The following SANBR variants were observed in gnomAD, a reference collection of about 807,000 sequenced individuals.
The protein encoded by SANBR is SANT and BTB domain regulator of class switch recombination.
Under a neutral mutation model 101.8 loss-of-function variants are expected in SANBR, and 77 were observed. The observed-to-expected ratio is 0.76, with a 90% CI of 0.63 to 0.91. SANBR has a LOEUF of 0.91. Among genes scored for constraint, SANBR ranks in the 40% least tolerant of loss-of-function variants. The pLI, the probability that SANBR is intolerant of heterozygous loss-of-function variation, is 0.00. For missense variants in SANBR, 875 were observed against 853.0 expected (o/e 1.03, Z -0.32); for synonymous variants, 279 against 274.7 (o/e 1.02, Z -0.15).
intron 21 of SANBR, among the ~76,000 whole-genome samples, chr2:61,136,786 A>C (rs1684864199): frequency 6.6e-6 from 1 of 151,924 alleles, no homozygotes; most frequent in Admixed American, 6.6e-5. Context: ...CCTGGCCAAG[A>C]TGGTGAAACC....
At position 61,122,318 on chromosome 2, in the gene SANBR, T is replaced by A; in HGVS notation, c.*156T>A. ...CATAATTCTAAAAGAAATGCATAGT[T>A]AGGTTTTATGAAAATCTAATTGTAA... is the stretch of plus-strand genomic sequence containing the variant. On this transcript the variant is annotated 3_prime_UTR_variant, in exon 22 of 22. Transcript: ENST00000402291. 8.1e-7 allele frequency: 1 copy of A among 1,234,952 alleles called. No homozygotes were observed. The highest frequency in any genetic ancestry group is 2.7e-5 in the East Asian group (1 of 36,492). The allele number at this position is 1,234,952 out of a possible 1,614,324, so 76.5% of individuals were successfully genotyped here. A position where few individuals can be genotyped will look rare whatever the true frequency, so the allele number is the denominator to read the frequency against.
At chr2:61,076,779 A>C in intron 5 of SANBR, 141 bp from the exon 6 acceptor site, 5 of 634,266 alleles carry the variant, frequency 7.9e-6, no homozygotes, top group Middle Eastern at 4.3e-4. Flanking sequence ...GACACTTGAA[A>C]AATGTCAAGA....
Position 61,117,451 on chromosome 2 carries a change from T to C in SANBR, c.1866-16T>C, listed in dbSNP as rs1165096318. ...AAGAAGCATCAATGCTGATTTTTGT[T>C]CAATTTTTTCAATAGTATGAGTATG... On this transcript the variant is annotated splice_polypyrimidine_tract_variant and intron_variant, in intron 18 of 21. Coordinates refer to ENST00000402291, the MANE Select transcript of SANBR (RefSeq NM_001129993.3). 1 of 1,613,578 alleles carries C rather than the reference T, an allele frequency of 6.2e-7. No homozygotes were observed. Among genetic ancestry groups the C allele is most frequent in the South Asian group, 1.1e-5 (1 of 91,082 alleles).
intron 6 of SANBR, among the ~76,000 whole-genome samples, chr2:61,077,751 TGAG>T (rs1176756254): frequency 6.6e-6 from 1 of 152,228 alleles, no homozygotes; most frequent in African/African-American, 2.4e-5. Context: ...ATGATTCTCT[TGAG>T]GAAAAGCACT....
intron 6 of SANBR, among the ~76,000 whole-genome samples, chr2:61,080,172 G>T (rs1272318227): frequency 1.4e-5 from 2 of 146,760 alleles, no homozygotes; most frequent in African/African-American, 5.2e-5. Flanking sequence ...ACTCCAGTCT[G>T]GGCGAAGGAG....
At chr2:61,071,143 A>G (rs1180045090) in intron 3 of SANBR, among the ~76,000 whole-genome samples, 1 of 152,226 alleles carries the variant, frequency 6.6e-6, no homozygotes, top group African/African-American at 2.4e-5. Context: ...AGTGAAATGT[A>G]TACAAATATT....
At chr2:61,127,323 C>T (rs556348155), downstream of SANBR, among the ~76,000 whole-genome samples, 1 of 152,228 alleles carries the variant, frequency 6.6e-6, no homozygotes, top group African/African-American at 2.4e-5. Flanking sequence ...CAGATAGAGG[C>T]CTTGTCACAA....
At chr2:61,077,596 A>G (rs1354958671) in intron 6 of SANBR, among the ~76,000 whole-genome samples, 1 of 152,118 alleles carries the variant, frequency 6.6e-6, no homozygotes, top group Non-Finnish European at 1.5e-5. Flanking sequence ...AAGAAAAAAA[A>G]AAAGAAAAGA....
At position 61,136,290 on chromosome 2, in the gene SANBR, C is replaced by T. The variant is rs188119553; in HGVS notation, c.*45-1174C>T. ...CTGTACTCCAGCCTGGGCAACAGAG[C>T]GAGACTCGTCTGAAAAAAAAAAAAA... On this transcript the variant is annotated intron_variant, in intron 21 of 21. Coordinates refer to the SANBR transcript ENST00000295031. 3.5e-3 allele frequency among the ~76,000 whole-genome samples: 518 copies of T among 147,680 alleles called. 3 individuals are homozygous for T. Among genetic ancestry groups the T allele is most frequent in the Middle Eastern group, 0.018 (5 of 280 alleles).
chr2:61,088,170 G>A lies in SANBR; in HGVS notation c.902G>A (p.Cys301Tyr), dbSNP rs1015903698. The A allele has an allele frequency of 1.1e-5, 18 of 1,597,940 alleles. No individual in the cohort carries two copies. In the African/African-American group the frequency reaches 2.2e-4, roughly 19 times the overall value. The change falls in exon 9 of 22, where the codon TGT (cysteine) becomes TAT (tyrosine). Residue 301 changes from cysteine to tyrosine, a missense_variant. By Grantham distance (194) the Cys-to-Tyr change is radical. Transcript: ENST00000402291. ...TTTGTTGTTAATAGCAAACTTTTTT[G>A]TAAGAAGATTGAAAGACTGTTTGAT... ...KKDKFKSKLF[C>Y]KKIERLFDPE... is the part of the protein sequence containing the mutation.
At chr2:61,120,560 T>C (rs1344204826) in intron 20 of SANBR, among the ~76,000 whole-genome samples, 1 of 152,042 alleles carries the variant, frequency 6.6e-6, no homozygotes, top group Non-Finnish European at 1.5e-5. Flanking sequence ...GGAGATTCTG[T>C]TTCTACAAAA....
At chr2:61,079,347 C>G (rs1681964889) in intron 6 of SANBR, among the ~76,000 whole-genome samples, 1 of 152,166 alleles carries the variant, frequency 6.6e-6, no homozygotes, top group South Asian at 2.1e-4. Flanking sequence ...TGGGCATATA[C>G]TTGTATGATC....
At chr2:61,095,158 A>G (rs1158801146) in intron 11 of SANBR, among the ~76,000 whole-genome samples, 1 of 152,230 alleles carries the variant, frequency 6.6e-6, no homozygotes, top group African/African-American at 2.4e-5. Context: ...CCTCCTCACA[A>G]TCGGAGTGTG....
Position 61,077,019 on chromosome 2 carries a change from T to G in SANBR, c.531T>G (p.Ala177=), listed in dbSNP as rs1217538957. The change falls in exon 6 of 22, where the codon GCT becomes GCG. Residue 177 remains alanine (A), a synonymous_variant. Transcript: ENST00000402291. The part of the protein sequence containing the change: ...DLLISEMKYF[A]EYLSMDAQRW... ...TGATATCAGAAATGAAGTACTTTGC[T>G]GAATATTTATCTATGGATGCCCAGC... 1 of 1,614,046 alleles carries G rather than the reference T, an allele frequency of 6.2e-7. No individual in the cohort carries two copies. Among genetic ancestry groups the G allele is most frequent in the Non-Finnish European group, 8.5e-7 (1 of 1,180,006 alleles).
At position 61,073,646 on chromosome 2, in the gene SANBR, T is replaced by A. The variant is rs1681601448; in HGVS notation, c.431+95T>A. ...GTTACCATAAGGTAGGAATTTCATA[T>A]TGCATAATTGCTGAAACTACTGGAA... is the stretch of plus-strand genomic sequence containing the variant. On this transcript the variant is annotated intron_variant, in intron 5 of 21. Transcript: ENST00000402291. 5 of 627,952 alleles carry A rather than the reference T, an allele frequency of 8.0e-6. No homozygotes were observed. In the South Asian group the frequency reaches 1.4e-4, roughly 18 times the overall value. 38.9% of individuals were successfully genotyped at this position (627,952 alleles called of 1,614,324 possible). A position where few individuals can be genotyped will look rare whatever the true frequency, so the allele number is the denominator to read the frequency against.
At chr2:61,106,414 A>T (rs1477936049) in intron 13 of SANBR, 149 bp from the exon 14 acceptor site, 1 of 432,020 alleles carries the variant, frequency 2.3e-6, no homozygotes, top group South Asian at 3.1e-5. Flanking sequence ...AAAAAAAAAA[A>T]GGAAATGTCA....
intron 6 of SANBR, 77 bp downstream of exon 6, chr2:61,077,235 T>C: frequency 9.9e-7 from 1 of 1,013,338 alleles, no homozygotes; most frequent in Non-Finnish European, 1.5e-6. Flanking sequence ...AAAAGTGAAA[T>C]GTGGAAAATT....
At chr2:61,104,087 G>C in intron 13 of SANBR, 89 bp downstream of exon 13, 1 of 1,146,072 alleles carries the variant, frequency 8.7e-7, no homozygotes, top group Non-Finnish European at 1.3e-6. Flanking sequence ...AGCAACGTCA[G>C]TCCTCAAGTA....
rs996868209 is a variant in SANBR at position 61,123,673 on chromosome 2, G to T, written c.*1511G>T. The T allele has an allele frequency of 1.0e-6, 1 of 985,140 alleles. No homozygotes were observed. Among genetic ancestry groups the T allele is most frequent in the African/African-American group, 1.7e-5 (1 of 57,224 alleles). The allele number at this position is 985,140 out of a possible 1,614,324, so 61.0% of individuals were successfully genotyped here. On this transcript the variant is annotated 3_prime_UTR_variant, in exon 22 of 22. Transcript: ENST00000402291. ...GCTGTAATGGTCACGACTAGATAAG[G>T]AAAAAATATATATGCTCTTTTGATT...
Sources: gnomAD v4.1 joint callset for allele counts (sites outside exome capture counted in the v4.1 genomes callset) on GRCh38, gnomAD v4.1.1 for gene constraint, MANE v1.5 for transcripts, NCBI Gene and HGNC (gene_info 2026-07-23, HGNC 2026-07-21) for gene names.